The following CFAP47 variants were observed in gnomAD, a reference collection of about 807,000 sequenced individuals.
CFAP47 encodes the protein cilia and flagella associated protein 47.
Under a neutral mutation model 148.1 loss-of-function variants are expected in CFAP47, and 29 were observed. The observed-to-expected ratio is 0.20, with a 90% CI of 0.15 to 0.27. CFAP47 has a LOEUF of 0.27. Among genes scored for constraint, CFAP47 ranks in the 10% least tolerant of loss-of-function variants. The probability of loss-of-function intolerance (pLI) is 1.00; values close to 1 mark genes in which losing one functional copy is unlikely to be tolerated. For synonymous variants in CFAP47, 664 were observed against 577.3 expected, an observed-to-expected ratio of 1.15 and a Z score of -2.15; for missense variants, 1,872 against 1,697.5, an observed-to-expected ratio of 1.10 and a Z score of -1.81.
Position 35,975,736 on chromosome X carries a change from C to T in CFAP47, c.2536C>T (p.Pro846Ser), listed in dbSNP as rs1156620847. 1.7e-6 allele frequency: 2 copies of T among 1,208,491 alleles called. No individual in the cohort carries two copies. Among genetic ancestry groups the T allele is most frequent in the Non-Finnish European group, 2.2e-6 (2 of 892,648 alleles). Residue 846 changes from proline (P) to serine (S), a missense_variant, in exon 15 of 64, where the codon CCA (proline) becomes TCA (serine). Physicochemically the swap from Pro to Ser is moderately conservative, Grantham distance 74 (BLOSUM62 -1). Coordinates refer to ENST00000378653, the MANE Select transcript of CFAP47 (RefSeq NM_001304548.2). ...GHILVVAVVQ[P>S]VTLELSSNEL... ...CATCCTAGTGGTGGCAGTTGTCCAG[C>T]CAGTAACACTTGAGCTATCTTCTAA...
intron 33 of CFAP47, among the ~76,000 whole-genome samples, chrX:36,116,296 A>G (rs7062712): frequency 0.1 from 11,702 of 111,581 alleles, 1,206 homozygotes; most frequent in African/African-American, 0.32. Context: ...AGCTCCCACT[A>G]CAAGTGAGAA....
At chrX:35,932,455 T>C in intron 2 of CFAP47, among the ~76,000 whole-genome samples, 1 of 107,670 alleles carries the variant, frequency 9.3e-6, no homozygotes, top group Non-Finnish European at 1.9e-5. Context: ...TTTCACTATG[T>C]TGTGCAGGCT....
At chrX:36,178,423 T>A (rs1238430728) in intron 39 of CFAP47, among the ~76,000 whole-genome samples, 2 of 111,158 alleles carry the variant, frequency 1.8e-5, no homozygotes, top group East Asian at 5.6e-4. Flanking sequence ...AATTTTAGGA[T>A]GTAGGAAAAT....
chrX:36,195,649 T>C (rs1483155454), intron 42 of CFAP47, among the ~76,000 whole-genome samples: 1 of 111,399 alleles, frequency 9.0e-6, no homozygotes, highest in Non-Finnish European at 1.9e-5. Context: ...CTGCTTCACA[T>C]ACTCCCTTTC....
chrX:36,143,906 G>C (rs1413429732), intron 35 of CFAP47, among the ~76,000 whole-genome samples: 1 of 110,822 alleles, frequency 9.0e-6, no homozygotes, highest in East Asian at 2.8e-4. Context: ...GTTATTTCTT[G>C]TTCAGAAATC....
At chrX:36,024,159 A>G (rs1218798299) in intron 22 of CFAP47, among the ~76,000 whole-genome samples, 1 of 111,522 alleles carries the variant, frequency 9.0e-6, no homozygotes, top group Non-Finnish European at 1.9e-5. Context: ...CAGGTGATGA[A>G]TACTGCCAGG....
At chrX:36,371,489 C>A (rs782117332) in intron 62 of CFAP47, among the ~76,000 whole-genome samples, 1 of 103,938 alleles carries the variant, frequency 9.6e-6, no homozygotes, top group Non-Finnish European at 2.0e-5. Context: ...AATTGTAGGG[C>A]TGGGTGTGTG....
chrX:35,941,609 A>G (rs1220916469), intron 3 of CFAP47, among the ~76,000 whole-genome samples: 1 of 111,695 alleles, frequency 9.0e-6, no homozygotes, highest in East Asian at 2.8e-4. Context: ...ATCCTGATTA[A>G]TACAGTCAGA....
intron 29 of CFAP47, among the ~76,000 whole-genome samples, chrX:36,076,719 T>C (rs1937865211): frequency 9.0e-6 from 1 of 111,729 alleles, no homozygotes; most frequent in African/African-American, 3.3e-5. Context: ...TTTCCTTTGC[T>C]GTGCAGAAGC....
At chrX:36,120,337 T>A (rs1309423233) in intron 33 of CFAP47, among the ~76,000 whole-genome samples, 1 of 111,345 alleles carries the variant, frequency 9.0e-6, no homozygotes, top group Admixed American at 9.5e-5. Context: ...GTTGATCTTT[T>A]GTTTTATTTT....
intron 49 of CFAP47, among the ~76,000 whole-genome samples, chrX:36,266,548 G>A (rs1284987662): frequency 1.8e-5 from 2 of 110,191 alleles, no homozygotes; most frequent in African/African-American, 6.6e-5. Flanking sequence ...GACCCATAGG[G>A]ACAGTGGTGA....
At chrX:35,962,205 A>G (rs931544824) in intron 8 of CFAP47, among the ~76,000 whole-genome samples, 4 of 111,818 alleles carry the variant, frequency 3.6e-5, no homozygotes, top group Non-Finnish European at 5.7e-5. Context: ...ATCCTTTTAA[A>G]TTATTGAGGC....
chrX:35,998,932 T>C (rs1936880777), intron 19 of CFAP47, among the ~76,000 whole-genome samples: 1 of 100,364 alleles, frequency 1.0e-5, no homozygotes, highest in African/African-American at 4.4e-5. Flanking sequence ...AGGACTTTAA[T>C]ATATTTTATC....
intron 15 of CFAP47, among the ~76,000 whole-genome samples, chrX:35,979,853 C>T (rs758191072): frequency 7.2e-5 from 8 of 111,821 alleles, no homozygotes; most frequent in Non-Finnish European, 1.3e-4. Flanking sequence ...CCCATTCCTC[C>T]CTAGTTAGAA....
In CFAP47 at chrX:35,922,942, C is replaced by T. The variant is rs1047025116; in HGVS notation, c.249+2894C>T. On this transcript the variant is annotated intron_variant, in intron 1 of 63. Transcript: ENST00000378653. ...TTACACCTATAATGAGCACCTTCCT[C>T]GCTTCTTCTCCACCTTTAATATCCA... is the stretch of plus-strand genomic sequence containing the variant. Among the ~76,000 whole-genome samples the T allele has an allele frequency of 9.9e-5, 11 of 111,395 alleles. No individual in the cohort carries two copies. In the East Asian group the frequency reaches 2.3e-3, roughly 23 times the overall value.
At position 36,228,762 on chromosome X, in the gene CFAP47, C is replaced by G; in HGVS notation, c.6952C>G (p.Pro2318Ala). The part of the protein sequence containing the change: ...YVEGIVNEEQ[P>A]EAKFEFETPA... ...TGAAGGTATTGTGAATGAAGAACAA[C>G]CAGAGGCCAAATTTGAGTTTGAAAC... Residue 2318 changes from proline to alanine, a missense_variant, in exon 46 of 64, where the codon CCA (proline) becomes GCA (alanine). Coordinates refer to ENST00000378653, the MANE Select transcript of CFAP47 (RefSeq NM_001304548.2). The G allele has an allele frequency of 3.8e-6, 2 of 524,872 alleles. No individual in the cohort carries two copies. The highest frequency in any genetic ancestry group is 7.0e-6 in the Non-Finnish European group (2 of 286,312). 43.3% of individuals were successfully genotyped at this position (524,872 alleles called of 1,213,427 possible).
At chrX:36,315,606 C>T (rs185205483) in intron 56 of CFAP47, among the ~76,000 whole-genome samples, 686 of 112,161 alleles carry the variant, frequency 6.1e-3, no homozygotes, top group African/African-American at 0.021. Context: ...TAGTATTTAT[C>T]TGGGCCATTG....
At chrX:36,127,750 G>A (rs1451904757) in intron 33 of CFAP47, among the ~76,000 whole-genome samples, 1 of 111,115 alleles carries the variant, frequency 9.0e-6, no homozygotes, top group East Asian at 2.9e-4. Context: ...CCATTTGTTT[G>A]TGTCCTCTCT....
Position 36,176,175 on chromosome X carries a change from C to T in CFAP47, c.6027-3170C>T, listed in dbSNP as rs186020477. On this transcript the variant is annotated intron_variant, in intron 39 of 63. Transcript: ENST00000378653. ...TGCTTCGGCTCGTGCATGGTGTGCG[C>T]ACCCACTGACCTGTGCCCACTGTCT... Among the ~76,000 whole-genome samples the T allele has an allele frequency of 8.0e-5, 9 of 112,703 alleles. No individual in the cohort carries two copies. In the East Asian group the frequency reaches 2.2e-3, roughly 28 times the overall value.
Sources: allele counts gnomAD v4.1 joint callset (sites outside exome capture counted in the v4.1 genomes callset), GRCh38; gene constraint gnomAD v4.1.1; transcripts MANE v1.5; gene names NCBI Gene and HGNC (gene_info 2026-07-23, HGNC 2026-07-21).